Variants in POC1B observed in about 807,000 individuals in gnomAD.
POC1B encodes POC1 centriolar protein homolog B.
A neutral mutation model predicts 60.6 loss-of-function variants in POC1B; 44 were observed. That is an observed-to-expected ratio of 0.73 (90% confidence interval 0.57 to 0.93). POC1B has a LOEUF of 0.93. POC1B is among the 40% of genes least tolerant of loss of function. The pLI is 0.00. For missense variants in POC1B, 555 were observed against 572.3 expected, an observed-to-expected ratio of 0.97 and a Z score of 0.31; for synonymous variants, 180 against 198.9, an observed-to-expected ratio of 0.90 and a Z score of 0.80.
chr12:89,412,963 A>C, the POC1B span, among the ~76,000 whole-genome samples: 1 of 145,136 alleles, frequency 6.9e-6, no homozygotes, highest in Non-Finnish European at 1.5e-5. Context: ...AAGTAGCATG[A>C]TATCGGCTCA....
At chr12:89,485,785 C>T (rs1016056894) in intron 4 of POC1B, among the ~76,000 whole-genome samples, 1 of 152,178 alleles carries the variant, frequency 6.6e-6, no homozygotes, top group Non-Finnish European at 1.5e-5. Flanking sequence ...ATGAAAATTA[C>T]CTTTGCTTTA....
intron 9 of POC1B, chr12:89,459,958 A>C (rs929987274): frequency 2.1e-6 from 1 of 483,062 alleles, no homozygotes; most frequent in African/African-American, 2.0e-5. Context: ...TTTTCACTTT[A>C]GAAAATCAAT....
Position 89,420,335 on chromosome 12 carries a change from C to T in POC1B, c.*818G>A, listed in dbSNP as rs1193296934. 6.6e-6 allele frequency: 1 copy of T among 152,194 alleles called. No individual in the cohort carries two copies. The highest frequency in any genetic ancestry group is 1.5e-5 in the Non-Finnish European group (1 of 68,038). 9.4% of individuals were successfully genotyped at this position (152,194 alleles called of 1,614,324 possible). ...AATATTTCTGAAGCATGTGTACATA[C>T]ATGTGTGTATATTTTTAAATATCAC... is the stretch of plus-strand genomic sequence containing the variant. On this transcript the variant is annotated 3_prime_UTR_variant, in exon 12 of 12. Coordinates refer to ENST00000313546, the MANE Select transcript of POC1B (RefSeq NM_172240.3).
the POC1B span, among the ~76,000 whole-genome samples, chr12:89,411,259 A>T: frequency 6.6e-6 from 1 of 152,236 alleles, no homozygotes; most frequent in African/African-American, 2.4e-5. Flanking sequence ...TCACAGAATT[A>T]GAAAAAACTA....
At chr12:89,501,051 TG>T in intron 2 of POC1B, 1 of 1,078,902 alleles carries the variant, frequency 9.3e-7, no homozygotes, top group East Asian at 2.4e-5. Context: ...CAGTAGATCT[TG>T]GGATTACTAT....
intron 4 of POC1B, among the ~76,000 whole-genome samples, chr12:89,473,946 T>C (rs1371799854): frequency 6.6e-6 from 1 of 151,588 alleles, no homozygotes; most frequent in Admixed American, 6.6e-5. Flanking sequence ...GGCTCATGCC[T>C]GTAATCCCAG....
At chr12:89,489,329 C>A (rs1868821001) in intron 4 of POC1B, among the ~76,000 whole-genome samples, 1 of 152,074 alleles carries the variant, frequency 6.6e-6, no homozygotes, top group Admixed American at 6.6e-5. Flanking sequence ...AGGTAACTTC[C>A]CCACAGGTCT....
intron 2 of POC1B, chr12:89,522,860 T>G: frequency 1.2e-6 from 2 of 1,603,364 alleles, no homozygotes; most frequent in Non-Finnish European, 1.7e-6. Flanking sequence ...GCATCACAAG[T>G]TCTCATTTGT....
chr12:89,503,791 C>G (rs1592634170), intron 2 of POC1B, among the ~76,000 whole-genome samples: 1 of 132,116 alleles, frequency 7.6e-6, no homozygotes, highest in East Asian at 2.4e-4. Flanking sequence ...AGTGAGGAGC[C>G]CCTCCGCCCG....
At chr12:89,427,642 A>G (rs1880826833) in intron 10 of POC1B, 1 of 152,242 alleles carries the variant, frequency 6.6e-6, no homozygotes, top group African/African-American at 2.4e-5. Flanking sequence ...TTGAGGCTGC[A>G]GTGAGCTATG....
At chr12:89,418,095 G>T (rs1379345815), downstream of POC1B, among the ~76,000 whole-genome samples, 4 of 152,188 alleles carry the variant, frequency 2.6e-5, no homozygotes, top group African/African-American at 4.8e-5. Context: ...TGGAGAAAAT[G>T]AAGCCTGGCA....
chr12:89,470,305 A>G, intron 7 of POC1B, 56 bp downstream of exon 7: 5 of 981,918 alleles, frequency 5.1e-6, no homozygotes, highest in Non-Finnish European at 6.5e-6. Flanking sequence ...AGAAATTTAA[A>G]ATATATATTA....
At chr12:89,439,019 C>T (rs1317283616) in intron 10 of POC1B, among the ~76,000 whole-genome samples, 2 of 152,218 alleles carry the variant, frequency 1.3e-5, no homozygotes, top group African/African-American at 4.8e-5. Flanking sequence ...ATTATCTTTG[C>T]TAACCCACTT....
chr12:89,433,393 T>C (rs865922664), intron 10 of POC1B, among the ~76,000 whole-genome samples: 3 of 152,114 alleles, frequency 2.0e-5, no homozygotes, highest in Admixed American at 6.5e-5. Context: ...CCCATGGAGC[T>C]TTGTGTAAAT....
chr12:89,423,063 G>A (rs536154296), intron 11 of POC1B, among the ~76,000 whole-genome samples: 1 of 152,214 alleles, frequency 6.6e-6, no homozygotes, highest in East Asian at 1.9e-4. Flanking sequence ...GGAGTGTAAT[G>A]GCTTGATCTT....
intron 4 of POC1B, among the ~76,000 whole-genome samples, chr12:89,490,324 TTTG>T (rs1034916600): frequency 6.6e-6 from 1 of 152,032 alleles, no homozygotes; most frequent in African/African-American, 2.4e-5. Flanking sequence ...CCAGGCAGTT[TTTG>T]TTGTTGTTGT....
chr12:89,489,141 T>C (rs1304135241), intron 4 of POC1B, among the ~76,000 whole-genome samples: 2 of 152,194 alleles, frequency 1.3e-5, no homozygotes, highest in East Asian at 1.9e-4. Context: ...AGAATGAGTG[T>C]CCAGTGATGG....
intron 11 of POC1B, 21 bp downstream of exon 11, chr12:89,425,140 T>C: frequency 6.2e-7 from 1 of 1,611,596 alleles, no homozygotes; most frequent in Non-Finnish European, 8.5e-7. Context: ...GTGCAACTCA[T>C]GCAACCTGTG....
chr12:89,463,745 C>A (rs971085464), intron 9 of POC1B, among the ~76,000 whole-genome samples: 2 of 152,072 alleles, frequency 1.3e-5, no homozygotes, highest in Non-Finnish European at 2.9e-5. Flanking sequence ...ATATTTCATG[C>A]CTTCTTTCAT....
Sources: gnomAD v4.1 joint callset for allele counts (sites outside exome capture counted in the v4.1 genomes callset) on GRCh38, gnomAD v4.1.1 for gene constraint, MANE v1.5 for transcripts, NCBI Gene and HGNC (gene_info 2026-07-23, HGNC 2026-07-21) for gene names.